The following PRDM16 variants were observed in gnomAD, a reference collection of about 807,000 sequenced individuals.
PRDM16 encodes PR/SET domain 16.
Under a neutral mutation model 110.6 loss-of-function variants are expected in PRDM16, and 23 were observed. The observed-to-expected ratio is 0.21, with a 90% CI of 0.15 to 0.29. PRDM16 has a LOEUF of 0.29. PRDM16 is among the 10% of genes least tolerant of loss of function. The pLI is 1.00. For synonymous variants in PRDM16, 799 were observed against 781.8 expected (o/e 1.02, Z -0.37); for missense variants, 1,615 against 1,794.3 (o/e 0.90, Z 1.81).
intron 1 of PRDM16, among the ~76,000 whole-genome samples, chr1:3,084,021 A>C (rs1642091895): frequency 6.6e-6 from 1 of 152,236 alleles, no homozygotes; most frequent in Non-Finnish European, 1.5e-5. Flanking sequence ...TTGTTCGGAG[A>C]GATGTCCCTG....
intron 3 of PRDM16, among the ~76,000 whole-genome samples, chr1:3,366,235 C>T (rs1038530995): frequency 6.6e-5 from 10 of 152,254 alleles, no homozygotes; most frequent in African/African-American, 2.4e-4. Flanking sequence ...ACGACCATGA[C>T]TTAATGCGCT....
intron 9 of PRDM16, 144 bp from the exon 10 acceptor site, chr1:3,414,416 T>C (rs1271212359): frequency 4.6e-6 from 3 of 649,042 alleles, no homozygotes; most frequent in African/African-American, 3.6e-5. Flanking sequence ...CTGGTGAGCG[T>C]TGGGGCAGCC....
chr1:3,130,505 C>T (rs1569637117), intron 1 of PRDM16, among the ~76,000 whole-genome samples: 2 of 152,188 alleles, frequency 1.3e-5, no homozygotes, highest in South Asian at 2.1e-4. Context: ...CTCCAGGGCC[C>T]GCCCAGCAGC....
chr1:3,406,103 G>A (rs549543344), intron 8 of PRDM16, among the ~76,000 whole-genome samples: 2 of 152,324 alleles, frequency 1.3e-5, no homozygotes, highest in East Asian at 1.9e-4. Flanking sequence ...TCTCTAGGGG[G>A]CCCTGTCTGT....
intron 4 of PRDM16, among the ~76,000 whole-genome samples, chr1:3,395,436 T>C (rs1569670936): frequency 6.6e-6 from 1 of 152,210 alleles, no homozygotes; most frequent in Admixed American, 6.5e-5. Context: ...CAGGGGCAGG[T>C]GGATTTCCCT....
intron 3 of PRDM16, among the ~76,000 whole-genome samples, chr1:3,286,664 C>T (rs192988152): frequency 0.016 from 2,496 of 151,936 alleles, 99 homozygotes; most frequent in East Asian, 0.13. Flanking sequence ...TCTGCACCCC[C>T]AAGTTCCTCC....
chr1:3,434,511 C>T lies in PRDM16; in HGVS notation c.*700C>T, dbSNP rs897342082. On this transcript the variant is annotated 3_prime_UTR_variant, in exon 17 of 17. Coordinates refer to ENST00000270722, the MANE Select transcript of PRDM16 (RefSeq NM_022114.4). ...TAAGCCAAGGTGATGCTGGGTGCCC[C>T]GAGGCAGAACAAGAGGCGCGGGGCC... 1.7e-5 allele frequency: 4 copies of T among 231,536 alleles called. No homozygotes were observed. The highest frequency in any genetic ancestry group is 1.1e-4 in the Admixed American group (2 of 17,714). The allele number at this position is 231,536 out of a possible 1,614,324, so 14.3% of individuals were successfully genotyped here. A position where few individuals can be genotyped will look rare whatever the true frequency, so the allele number is the denominator to read the frequency against.
intron 3 of PRDM16, among the ~76,000 whole-genome samples, chr1:3,303,979 C>T (rs910051749): frequency 3.7e-5 from 5 of 134,394 alleles, no homozygotes; most frequent in Admixed American, 1.4e-4. Context: ...TGCTGGGGAG[C>T]GCAGGAGGCC....
At chr1:3,097,396 G>A (rs1642429561) in intron 1 of PRDM16, among the ~76,000 whole-genome samples, 1 of 152,228 alleles carries the variant, frequency 6.6e-6, no homozygotes, top group African/African-American at 2.4e-5. Flanking sequence ...AGTGAGCAGA[G>A]TCATTGTGCA....
At chr1:3,271,168 C>T (rs972519828) in intron 3 of PRDM16, among the ~76,000 whole-genome samples, 1 of 152,188 alleles carries the variant, frequency 6.6e-6, no homozygotes, top group Non-Finnish European at 1.5e-5. Flanking sequence ...TGTGGGGCCC[C>T]GGACGCCTCC....
At chr1:3,274,670 T>C (rs762422895) in intron 3 of PRDM16, among the ~76,000 whole-genome samples, 8 of 152,254 alleles carry the variant, frequency 5.3e-5, no homozygotes, top group Non-Finnish European at 8.8e-5. Flanking sequence ...CGAGGCCTTG[T>C]CTGCGAGCTG....
At chr1:3,152,661 TG>T (rs1206530736) in intron 1 of PRDM16, among the ~76,000 whole-genome samples, 1 of 152,224 alleles carries the variant, frequency 6.6e-6, no homozygotes, top group African/African-American at 2.4e-5. Context: ...CAAGGGCCAG[TG>T]GCTCCTCAGG....
At chr1:3,329,742 G>A (rs1642003302) in intron 3 of PRDM16, among the ~76,000 whole-genome samples, 1 of 152,250 alleles carries the variant, frequency 6.6e-6, no homozygotes, top group Admixed American at 6.5e-5. Context: ...AGGAGAGTGG[G>A]CAGGGGCACC....
At chr1:3,357,506 T>C (rs1642630671) in intron 3 of PRDM16, among the ~76,000 whole-genome samples, 1 of 142,230 alleles carries the variant, frequency 7.0e-6, no homozygotes, top group Non-Finnish European at 1.5e-5. Context: ...GGGTCAGAGC[T>C]TTCCAGAGCC....
chr1:3,070,099 C>A (rs1358665565), intron 1 of PRDM16, among the ~76,000 whole-genome samples: 1 of 152,026 alleles, frequency 6.6e-6, no homozygotes, highest in African/African-American at 2.4e-5. Flanking sequence ...CACCTCCCGA[C>A]CCGCCGCTGC....
At chr1:3,256,919 G>A (rs897694298) in intron 3 of PRDM16, among the ~76,000 whole-genome samples, 7 of 152,198 alleles carry the variant, frequency 4.6e-5, no homozygotes, top group Admixed American at 6.5e-5. Flanking sequence ...GTGGCACATC[G>A]TATGCAAACA....
intron 3 of PRDM16, among the ~76,000 whole-genome samples, chr1:3,276,940 GA>G (rs1292619587): frequency 3.3e-5 from 5 of 151,970 alleles, no homozygotes; most frequent in Admixed American, 1.3e-4. Context: ...CCCCCATCAC[GA>G]CCCCGGGCAG....
intron 2 of PRDM16, among the ~76,000 whole-genome samples, chr1:3,215,012 T>G (rs1422113403): frequency 6.6e-6 from 1 of 152,154 alleles, no homozygotes; most frequent in African/African-American, 2.4e-5. Context: ...GACCTGTGTG[T>G]GGGGATTGTG....
chr1:3,152,405 T>TATCC (rs144753865), intron 1 of PRDM16, among the ~76,000 whole-genome samples: 8 of 111,220 alleles, frequency 7.2e-5, no homozygotes, highest in Middle Eastern at 4.1e-3. Context: ...TCCATCCATT[T>TATCC]ATCCATCCAT....
Sources: allele counts gnomAD v4.1 joint callset (sites outside exome capture counted in the v4.1 genomes callset), GRCh38; gene constraint gnomAD v4.1.1; transcripts MANE v1.5; gene names NCBI Gene and HGNC (gene_info 2026-07-23, HGNC 2026-07-21).